The following GRAMD4 variants were observed in gnomAD, a reference collection of about 807,000 sequenced individuals.
GRAMD4 encodes GRAM domain containing 4.
In GRAMD4, 25 loss-of-function variants were observed where a neutral mutation model predicts 83.9. The observed-to-expected ratio is 0.30, with a 90% CI of 0.22 to 0.42. The LOEUF (loss-of-function observed/expected upper bound fraction) is 0.42, where lower values mean the gene tolerates loss of function less well. GRAMD4 is among the 10% of genes least tolerant of loss of function. GRAMD4 has a pLI of 1.00. For synonymous variants in GRAMD4, 336 were observed against 320.9 expected, an observed-to-expected ratio of 1.05 and a Z score of -0.50; for missense variants, 593 against 788.7, an observed-to-expected ratio of 0.75 and a Z score of 2.97.
At chr22:46,657,813 G>A (rs1407368102) in intron 3 of GRAMD4, among the ~76,000 whole-genome samples, 1 of 152,246 alleles carries the variant, frequency 6.6e-6, no homozygotes, top group South Asian at 2.1e-4. Flanking sequence ...TGGTGGGCTG[G>A]CCAGGTGTGG....
In GRAMD4 at chr22:46,679,040, T is replaced by C. The variant is rs2542026; in HGVS notation, c.*1789T>C. On this transcript the variant is annotated 3_prime_UTR_variant, in exon 19 of 19. Coordinates refer to ENST00000406902, the MANE Select transcript of GRAMD4 (RefSeq NM_015124.5). ...TGGTGCACCAGGGGAGGGGGACATATCCCAGTGAACCCCACCTTGGCGCCT... is the reference window on the plus strand; with the variant it reads ...TGGTGCACCAGGGGAGGGGGACATACCCCAGTGAACCCCACCTTGGCGCCT... 0.47 allele frequency: 458,747 copies of C among 985,394 alleles called. 109,805 individuals are homozygous for C. The highest frequency in any genetic ancestry group is 0.75 in the African/African-American group (42,811 of 57,282). The allele number at this position is 985,394 out of a possible 1,614,324, so 61.0% of individuals were successfully genotyped here.
rs1255117229 is a variant in GRAMD4 at position 46,668,907 on chromosome 22, G to A, written c.1083G>A (p.Val361=). Residue 361 remains valine, a splice_region_variant and synonymous_variant, in exon 13 of 19, where the codon GTG becomes GTA. Transcript: ENST00000406902. ...FFPYRLVGLA[V]GLYAGIKFFL... is the part of the protein sequence containing the mutation. ...CCTACCGCCTGGTGGGGCTTGCCGT[G>A]GGTAAGTAGATGCACCTGCGGCCTG... 1.9e-6 allele frequency: 3 copies of A among 1,583,396 alleles called. No individual in the cohort carries two copies. Among genetic ancestry groups the A allele is most frequent in the Non-Finnish European group, 2.6e-6 (3 of 1,154,328 alleles).
intron 1 of GRAMD4, among the ~76,000 whole-genome samples, chr22:46,605,154 C>T (rs2081353072): frequency 6.6e-6 from 1 of 151,670 alleles, no homozygotes. Flanking sequence ...TGGGTTCACC[C>T]AGGTCTTGGT....
At chr22:46,625,476 C>T (rs534196042) in intron 1 of GRAMD4, among the ~76,000 whole-genome samples, 19 of 152,384 alleles carry the variant, frequency 1.2e-4, no homozygotes, top group African/African-American at 4.1e-4. Flanking sequence ...GATCACTCCC[C>T]GCCCCATCTC....
chr22:46,616,418 G>A (rs2081495463), upstream of GRAMD4, among the ~76,000 whole-genome samples: 1 of 103,786 alleles, frequency 9.6e-6, no homozygotes, highest in African/African-American at 3.9e-5. Flanking sequence ...GTGCGTGTAG[G>A]TTCCCCCGTG....
intron 1 of GRAMD4, among the ~76,000 whole-genome samples, chr22:46,583,664 G>T (rs1458496069): frequency 6.6e-6 from 1 of 152,206 alleles, no homozygotes; most frequent in Non-Finnish European, 1.5e-5. Context: ...CTCATGGTGC[G>T]ACTGGGGCCC....
downstream of GRAMD4, chr22:46,682,382 A>G: frequency 3.1e-6 from 3 of 968,784 alleles, no homozygotes; most frequent in Non-Finnish European, 3.7e-6. Context: ...TGTAAATGAT[A>G]TGATGACAGA....
At chr22:46,658,150 A>G (rs749873040) in intron 3 of GRAMD4, 37 bp from the exon 4 acceptor site, 38 of 1,612,274 alleles carry the variant, frequency 2.4e-5, no homozygotes, top group Non-Finnish European at 2.7e-5. Flanking sequence ...TCGCGTGGAC[A>G]TGAGCGATGG....
intron 1 of GRAMD4, among the ~76,000 whole-genome samples, chr22:46,600,860 T>G (rs1443856626): frequency 6.6e-6 from 1 of 152,138 alleles, no homozygotes. Context: ...AAATCACTAC[T>G]TGGGGCCAGG....
intron 1 of GRAMD4, among the ~76,000 whole-genome samples, chr22:46,578,749 C>T (rs1303911711): frequency 6.6e-6 from 1 of 152,216 alleles, no homozygotes. Flanking sequence ...AACCCTGCCC[C>T]TCCTTCCTGC....
intron 1 of GRAMD4, among the ~76,000 whole-genome samples, chr22:46,589,400 G>A (rs1300875175): frequency 4.0e-5 from 6 of 150,430 alleles, no homozygotes; most frequent in African/African-American, 1.2e-4. Context: ...GGGAGCCGTG[G>A]GTGTGAGGGC....
chr22:46,678,826 G>T lies in GRAMD4; in HGVS notation c.*1575G>T. 2 of 986,278 alleles carry T rather than the reference G, an allele frequency of 2.0e-6. No homozygotes were observed. Among genetic ancestry groups the T allele is most frequent in the African/African-American group, 1.7e-5 (1 of 57,372 alleles). 61.1% of individuals were successfully genotyped at this position (986,278 alleles called of 1,614,324 possible). Reference sequence around the variant, plus strand: ...GCAGAGTCACACGCTGGTGCCGGGGGTGCTTTGGGGGGAGCTGCGCCGATC... The same window carrying T: ...GCAGAGTCACACGCTGGTGCCGGGGTTGCTTTGGGGGGAGCTGCGCCGATC... On this transcript the variant is annotated 3_prime_UTR_variant, in exon 19 of 19. Transcript: ENST00000406902.
chr22:46,658,479 G>C (rs969104445), intron 4 of GRAMD4, among the ~76,000 whole-genome samples, 172 bp downstream of exon 4: 1 of 151,974 alleles, frequency 6.6e-6, no homozygotes, highest in African/African-American at 2.4e-5. Flanking sequence ...TATAGGTCCT[G>C]CCTGTGCCTG....
downstream of GRAMD4, chr22:46,682,368 T>A (rs1044983148): frequency 1.1e-6 from 1 of 914,818 alleles, no homozygotes. Flanking sequence ...CAGCTGTTAC[T>A]ATCTGTAAAT....
chr22:46,663,979 G>A lies in GRAMD4; in HGVS notation c.626-47G>A, dbSNP rs369750824. The A allele has an allele frequency of 2.4e-5, 37 of 1,573,292 alleles. 1 individual carries two copies. The Middle Eastern group carries it at 1.0e-3, about 42-fold the overall frequency. The stretch of plus-strand genomic sequence containing the variant: ...ACTCTCCAGGGAGACGTGGTTAAGC[G>A]GCCTCCTACCCACAGTGCTGACCAC... On this transcript the variant is annotated intron_variant, in intron 7 of 18. Transcript: ENST00000406902.
intron 1 of GRAMD4, among the ~76,000 whole-genome samples, chr22:46,610,350 G>A (rs138521): frequency 0.79 from 120,014 of 152,200 alleles, 48,215 homozygotes; most frequent in East Asian, 1. Context: ...TGTGGACCCC[G>A]GACAGGGACG....
chr22:46,617,443 C>T (rs1405034836), upstream of GRAMD4, among the ~76,000 whole-genome samples: 3 of 130,862 alleles, frequency 2.3e-5, no homozygotes, highest in Non-Finnish European at 3.3e-5. Flanking sequence ...GGTGTAGGTT[C>T]CCCCCATACG....
chr22:46,634,352 A>G (rs2081825877), intron 2 of GRAMD4, among the ~76,000 whole-genome samples: 1 of 152,190 alleles, frequency 6.6e-6, no homozygotes, highest in Non-Finnish European at 1.5e-5. Context: ...AAACTTCTGG[A>G]AGCTACATAG....
At chr22:46,643,109 A>G (rs111213403) in intron 3 of GRAMD4, among the ~76,000 whole-genome samples, 1 of 151,518 alleles carries the variant, frequency 6.6e-6, no homozygotes, top group Non-Finnish European at 1.5e-5. Flanking sequence ...CCATCCATCC[A>G]TCCATCCATC....
Sources: gnomAD v4.1 joint callset for allele counts (sites outside exome capture counted in the v4.1 genomes callset) on GRCh38, gnomAD v4.1.1 for gene constraint, MANE v1.5 for transcripts, NCBI Gene and HGNC (gene_info 2026-07-23, HGNC 2026-07-21) for gene names.